The following ROR1 variants were observed in gnomAD, a reference collection of about 807,000 sequenced individuals.
ROR1 encodes inactive tyrosine-protein kinase transmembrane receptor ROR1.
ROR1 carries 19 observed loss-of-function variants against 78.8 expected under a neutral mutation model. The ratio of observed to expected loss-of-function variants is 0.24; its 90% CI spans 0.17 to 0.35. The LOEUF is 0.35. Among genes scored for constraint, ROR1 ranks in the 10% least tolerant of loss-of-function variants. ROR1 has a pLI of 1.00. For missense variants in ROR1, 917 were observed against 1,177.8 expected (o/e 0.78, Z 3.24); for synonymous variants, 386 against 433.6 (o/e 0.89, Z 1.36).
At chr1:63,982,813 G>C (rs1308482787) in intron 1 of ROR1, among the ~76,000 whole-genome samples, 1 of 152,102 alleles carries the variant, frequency 6.6e-6, no homozygotes, top group Admixed American at 6.6e-5. Flanking sequence ...CAGTGGAGTA[G>C]TGTGAAGAAC....
At chr1:64,151,555 A>G (rs1649621068) in intron 7 of ROR1, among the ~76,000 whole-genome samples, 1 of 152,016 alleles carries the variant, frequency 6.6e-6, no homozygotes. Flanking sequence ...GCTTCATAAG[A>G]GTCAGCTTTA....
intron 4 of ROR1, among the ~76,000 whole-genome samples, chr1:64,067,698 G>A (rs1331927715): frequency 7.2e-6 from 1 of 139,534 alleles, no homozygotes; most frequent in African/African-American, 2.8e-5. Context: ...TTCTATCCAA[G>A]TTAAATAAAT....
At chr1:63,853,078 G>A (rs1189102840) in intron 1 of ROR1, among the ~76,000 whole-genome samples, 1 of 152,156 alleles carries the variant, frequency 6.6e-6, no homozygotes, top group East Asian at 1.9e-4. Context: ...ATATGTATCT[G>A]AGTTCTCTTT....
chr1:63,906,280 CA>C (rs138319585), intron 1 of ROR1, among the ~76,000 whole-genome samples: 10,840 of 152,244 alleles, frequency 0.071, 486 homozygotes, highest in Middle Eastern at 0.1. Flanking sequence ...GTATGGATTA[CA>C]GGAGTGATCT....
Position 64,035,304 on chromosome 1 carries a change from A to G in ROR1, c.164-14387A>G, listed in dbSNP as rs1238977554. 2.0e-5 allele frequency among the ~76,000 whole-genome samples: 3 copies of G among 152,226 alleles called. No individual in the cohort carries two copies. The East Asian group carries it at 5.8e-4, about 29-fold the overall frequency. Reference sequence around the variant, plus strand: ...GGCTTTGGAAAGGGTTCCATTGCACACGAAGAGGAAGCTTAAGTTAGACAA... The same window carrying G: ...GGCTTTGGAAAGGGTTCCATTGCACGCGAAGAGGAAGCTTAAGTTAGACAA... On this transcript the variant is annotated intron_variant, in intron 2 of 8. Transcript: ENST00000371079.
intron 1 of ROR1, among the ~76,000 whole-genome samples, chr1:63,998,558 T>G (rs1215530360): frequency 2.0e-5 from 3 of 152,152 alleles, no homozygotes; most frequent in Non-Finnish European, 4.4e-5. Flanking sequence ...GGAGCAGAAA[T>G]AATGTAACCT....
At chr1:64,146,841 C>T (rs933397549) in intron 7 of ROR1, among the ~76,000 whole-genome samples, 1 of 152,214 alleles carries the variant, frequency 6.6e-6, no homozygotes, top group African/African-American at 2.4e-5. Flanking sequence ...TATGTGCCTG[C>T]ATGGTGCCTG....
At chr1:64,165,701 CT>C (rs576997668) in intron 8 of ROR1, among the ~76,000 whole-genome samples, 19,699 of 102,474 alleles carry the variant, frequency 0.19, 636 homozygotes, top group Non-Finnish European at 0.24. Flanking sequence ...TCGGGTTTTA[CT>C]TTTTTTTTTT....
intron 1 of ROR1, among the ~76,000 whole-genome samples, chr1:63,844,779 T>C (rs675304): frequency 0.21 from 32,639 of 152,126 alleles, 7,482 homozygotes; most frequent in African/African-American, 0.58. Context: ...CAGCCCCTTC[T>C]AGGCAATCCT....
At chr1:63,789,027 A>G (rs904621362) in intron 1 of ROR1, 1 of 631,982 alleles carries the variant, frequency 1.6e-6, no homozygotes, top group Admixed American at 1.8e-5. Context: ...CATCCACGTG[A>G]CCTTCTCTGG....
intron 2 of ROR1, among the ~76,000 whole-genome samples, chr1:64,044,755 C>T (rs980983116): frequency 6.6e-6 from 1 of 152,058 alleles, no homozygotes; most frequent in African/African-American, 2.4e-5. Flanking sequence ...GGAAAATGAA[C>T]CTGCCGCTTG....
chr1:64,125,836 C>T (rs183301940), intron 4 of ROR1, among the ~76,000 whole-genome samples: 144 of 152,214 alleles, frequency 9.5e-4, no homozygotes, highest in African/African-American at 2.0e-3. Flanking sequence ...ACATAGAGTG[C>T]GCTTTTATAA....
At chr1:64,172,948 T>G (rs748434510) in intron 8 of ROR1, among the ~76,000 whole-genome samples, 1 of 152,200 alleles carries the variant, frequency 6.6e-6, no homozygotes, top group African/African-American at 2.4e-5. Context: ...ACAATACAGC[T>G]AATTTCCTGC....
At chr1:64,075,307 T>G (rs1647040106) in intron 4 of ROR1, among the ~76,000 whole-genome samples, 1 of 152,236 alleles carries the variant, frequency 6.6e-6, no homozygotes, top group Non-Finnish European at 1.5e-5. Context: ...ACCATGTTTT[T>G]CTAATATAGA....
At chr1:64,160,254 G>A (rs540503169) in intron 8 of ROR1, among the ~76,000 whole-genome samples, 31 of 151,998 alleles carry the variant, frequency 2.0e-4, no homozygotes, top group African/African-American at 4.6e-4. Flanking sequence ...ATGGAGTAGC[G>A]TAATTGGGCT....
intron 1 of ROR1, among the ~76,000 whole-genome samples, chr1:63,966,714 G>A (rs1370235668): frequency 1.3e-5 from 2 of 152,106 alleles, no homozygotes; most frequent in Non-Finnish European, 1.5e-5. Flanking sequence ...TTTTCTGTTT[G>A]TTTGGCTGCC....
intron 1 of ROR1, among the ~76,000 whole-genome samples, chr1:63,846,156 G>C (rs1029542980): frequency 8.3e-6 from 1 of 120,836 alleles, no homozygotes; most frequent in East Asian, 2.2e-4. Context: ...GTGTGTGTGT[G>C]TGTGTGTGTG....
intron 4 of ROR1, among the ~76,000 whole-genome samples, chr1:64,093,076 TC>T (rs1199100679): frequency 6.6e-6 from 1 of 152,184 alleles, no homozygotes; most frequent in African/African-American, 2.4e-5. Context: ...TAAGCTGTCA[TC>T]TAAGCAACGC....
chr1:64,142,514 T>C lies in ROR1; in HGVS notation c.1038T>C (p.Thr346=), dbSNP rs919526834. Residue 346 remains threonine, a synonymous_variant, in exon 7 of 9, where the codon ACT becomes ACC. Coordinates refer to ENST00000371079, the MANE Select transcript of ROR1 (RefSeq NM_005012.4). ...ATTCCCAGTATCCCCACACACACAC[T>C]TTCACCGCCCTTCGTTTCCCAGAGC... ...PWNSQYPHTH[T]FTALRFPELN... 1.2e-6 allele frequency: 2 copies of C among 1,614,084 alleles called. No individual in the cohort carries two copies. Among genetic ancestry groups the C allele is most frequent in the Non-Finnish European group, 8.5e-7 (1 of 1,179,996 alleles).
Sources: gnomAD v4.1 joint callset for allele counts (sites outside exome capture counted in the v4.1 genomes callset) on GRCh38, gnomAD v4.1.1 for gene constraint, MANE v1.5 for transcripts, NCBI Gene and HGNC (gene_info 2026-07-23, HGNC 2026-07-21) for gene names.